OLFM1: variants seen among roughly 807,000 people sequenced by gnomAD.
OLFM1 encodes olfactomedin 1, also known as noelin.
Under a neutral mutation model 49.7 loss-of-function variants are expected in OLFM1, and 9 were observed. That is an observed-to-expected ratio of 0.18 (90% CI 0.11 to 0.32). The LOEUF is 0.32. OLFM1 is among the 10% of genes least tolerant of loss of function. The probability of loss-of-function intolerance (pLI) is 1.00; values close to 1 mark genes in which losing one functional copy is unlikely to be tolerated. For synonymous variants in OLFM1, 240 were observed against 271.8 expected (o/e 0.88, Z 1.15); for missense variants, 369 against 661.8 (o/e 0.56, Z 4.85).
upstream of OLFM1, among the ~76,000 whole-genome samples, chr9:135,083,430 G>C (rs1051235991): frequency 6.6e-6 from 1 of 152,248 alleles, no homozygotes; most frequent in Middle Eastern, 3.4e-3. Context: ...TCAGCTCTCT[G>C]GATGGACAAG....
At chr9:135,076,508 T>G (rs942165563) in intron 1 of OLFM1, 1 of 1,300,022 alleles carries the variant, frequency 7.7e-7, no homozygotes, top group African/African-American at 1.5e-5. Flanking sequence ...ATTCTCCATT[T>G]TAAAGATGCA....
In OLFM1 at chr9:135,106,682, G is replaced by A. The variant is rs1830948290; in HGVS notation, c.677-67G>A. On this transcript the variant is annotated intron_variant, in intron 4 of 5. Coordinates refer to ENST00000371793, the MANE Select transcript of OLFM1 (RefSeq NM_001282611.2). ...TGGCACGTGTGCTCTGGGCAGTCGA[G>A]GTCAGGGTCATCACCGCGGGCCGGG... 3 of 1,245,188 alleles carry A rather than the reference G, an allele frequency of 2.4e-6. No homozygotes were observed. The African/African-American group carries it at 4.5e-5, about 18-fold the overall frequency. The allele number at this position is 1,245,188 out of a possible 1,614,324, so 77.1% of individuals were successfully genotyped here. A position where few individuals can be genotyped will look rare whatever the true frequency, so the allele number is the denominator to read the frequency against.
At chr9:135,111,669 A>T (rs1048620163) in intron 5 of OLFM1, among the ~76,000 whole-genome samples, 1 of 151,988 alleles carries the variant, frequency 6.6e-6, no homozygotes, top group Non-Finnish European at 1.5e-5. Context: ...TCCACACTGG[A>T]GTCTGCGTCT....
In OLFM1 at chr9:135,120,653, T is replaced by C. The variant is rs1490159951; in HGVS notation, c.*475T>C. On this transcript the variant is annotated 3_prime_UTR_variant, in exon 6 of 6. Transcript: ENST00000371793. Reference sequence around the variant, plus strand: ...TTGCAGTGCCGTTTCTTGACTGTGTTGCTGTCTCTTAGATTAACCGTGCTG... The same window carrying C: ...TTGCAGTGCCGTTTCTTGACTGTGTCGCTGTCTCTTAGATTAACCGTGCTG... 1.6e-5 allele frequency: 3 copies of C among 182,390 alleles called. No individual in the cohort carries two copies. Among genetic ancestry groups the C allele is most frequent in the Non-Finnish European group, 3.4e-5 (3 of 87,146 alleles). 11.3% of individuals were successfully genotyped at this position (182,390 alleles called of 1,614,324 possible). A position where few individuals can be genotyped will look rare whatever the true frequency, so the allele number is the denominator to read the frequency against.
chr9:135,106,548 G>T, intron 4 of OLFM1: 1 of 581,628 alleles, frequency 1.7e-6, no homozygotes, highest in Non-Finnish European at 3.1e-6. Flanking sequence ...GCTCTGTTTT[G>T]GGGAGGAGGT....
Position 135,098,543 on chromosome 9 carries a change from C to A in OLFM1, c.676+38C>A. On this transcript the variant is annotated intron_variant, in intron 4 of 5. Coordinates refer to ENST00000371793, the MANE Select transcript of OLFM1 (RefSeq NM_001282611.2). This position sits in a 1 kb window ranked among gnomAD's most constrained non-coding sequence, Gnocchi z 5.6. ...CCCTGCGGGACGTGGCGCTGCACTGCCCACCTCCGGCACACGCACAGGCTT... is the reference window on the plus strand; with the variant it reads ...CCCTGCGGGACGTGGCGCTGCACTGACCACCTCCGGCACACGCACAGGCTT... 6.4e-7 allele frequency: 1 copy of A among 1,553,506 alleles called. No individual in the cohort carries two copies. The highest frequency in any genetic ancestry group is 8.9e-7 in the Non-Finnish European group (1 of 1,126,936).
upstream of OLFM1, chr9:135,087,611 G>C: frequency 2.8e-6 from 2 of 704,438 alleles, no homozygotes; most frequent in Admixed American, 4.4e-5. Context: ...CGTCGGTCCC[G>C]CCCGGCCGAG....
intron 1 of OLFM1, among the ~76,000 whole-genome samples, chr9:135,077,882 G>A (rs911249244): frequency 3.6e-4 from 55 of 152,246 alleles, no homozygotes; most frequent in Admixed American, 6.5e-4. Flanking sequence ...TCACGTCAAC[G>A]TTTCTGAGTC....
intron 5 of OLFM1, among the ~76,000 whole-genome samples, chr9:135,114,458 G>T (rs1199429293): frequency 6.6e-6 from 1 of 152,048 alleles, no homozygotes; most frequent in Non-Finnish European, 1.5e-5. Context: ...CCCAAATAAG[G>T]TCCCATTTGC....
intron 5 of OLFM1, among the ~76,000 whole-genome samples, chr9:135,112,664 G>A (rs1173210571): frequency 6.6e-6 from 1 of 152,252 alleles, no homozygotes; most frequent in African/African-American, 2.4e-5. Context: ...GGCCACTCTT[G>A]GGCGGGCGTC....
At chr9:135,100,968 A>C (rs1410526829) in intron 4 of OLFM1, among the ~76,000 whole-genome samples, 1 of 152,196 alleles carries the variant, frequency 6.6e-6, no homozygotes, top group African/African-American at 2.4e-5. Context: ...ACATAGATAG[A>C]GTTAGCAGCT....
Position 135,094,065 on chromosome 9 carries a change from G to A in OLFM1, c.301-1799G>A, listed in dbSNP as rs544359533. Among the ~76,000 whole-genome samples, 54 of 152,288 alleles carry A rather than the reference G, an allele frequency of 3.5e-4. No homozygotes were observed. The East Asian group carries it at 6.4e-3, about 18-fold the overall frequency. ...AGCATGAGCTCAGCAGCTTCTCCTC[G>A]GCACTTGTGGGCCTTCGCTCCTGGG... On this transcript the variant is annotated intron_variant, in intron 2 of 5. Coordinates refer to ENST00000371793, the MANE Select transcript of OLFM1 (RefSeq NM_001282611.2).
chr9:135,091,387 A>C (rs1830682875), intron 2 of OLFM1, among the ~76,000 whole-genome samples: 1 of 152,184 alleles, frequency 6.6e-6, no homozygotes, highest in Non-Finnish European at 1.5e-5. Flanking sequence ...GAACTTTCCC[A>C]CCCTGAGGGA....
At position 135,087,681 on chromosome 9, in the gene OLFM1, G is replaced by A; in HGVS notation, c.-309G>A. The A allele has an allele frequency of 4.5e-6, 2 of 446,678 alleles. No individual in the cohort carries two copies. Among genetic ancestry groups the A allele is most frequent in the Non-Finnish European group, 3.2e-6 (1 of 307,866 alleles). 27.7% of individuals were successfully genotyped at this position (446,678 alleles called of 1,614,324 possible). On this transcript the variant is annotated 5_prime_UTR_variant, in exon 1 of 6. Transcript: ENST00000371793. ...CGCGCAGCGCTCAGAGCCGGACGGC[G>A]CTTCCCGGTGGCGGCGGAGGAGCCC...
chr9:135,084,590 G>GTC (rs147316858), upstream of OLFM1, among the ~76,000 whole-genome samples: 45 of 146,908 alleles, frequency 3.1e-4, no homozygotes, highest in Non-Finnish European at 3.1e-4. The surrounding 1 kb of genome is among the most constrained non-coding windows in gnomAD (Gnocchi z 4.6). Flanking sequence ...CTCTGCCTTT[G>GTC]TCTCTCTCTC....
rs922003120 is a variant in OLFM1 at position 135,080,347 on chromosome 9, G to A, written c.96+4545G>A. ...AGGGGATGGAGTGCACGGGTAGGGG[G>A]AAGAGTTCAGGTGAAATTGGGGTCT... On this transcript the variant is annotated intron_variant, in intron 1 of 5. Coordinates refer to the OLFM1 transcript ENST00000252854. This position sits in a 1 kb window ranked among gnomAD's most constrained non-coding sequence, Gnocchi z 4.5. Among the ~76,000 whole-genome samples, 1 of 152,096 alleles carries A rather than the reference G, an allele frequency of 6.6e-6. No individual in the cohort carries two copies. The highest frequency in any genetic ancestry group is 1.5e-5 in the Non-Finnish European group (1 of 68,024).
chr9:135,087,622 C>A, upstream of OLFM1: 1 of 653,280 alleles, frequency 1.5e-6, no homozygotes, highest in Non-Finnish European at 2.2e-6. Flanking sequence ...CCCGGCCGAG[C>A]CCCGCCTCCC....
intron 5 of OLFM1, among the ~76,000 whole-genome samples, chr9:135,110,379 A>G (rs1463961544): frequency 6.6e-6 from 1 of 151,940 alleles, no homozygotes. Context: ...GGCCAGCGCT[A>G]CTCCCACCAC....
In OLFM1 at chr9:135,090,309, G is replaced by A; in HGVS notation, c.265G>A (p.Ala89Thr). 1 of 1,614,122 alleles carries A rather than the reference G, an allele frequency of 6.2e-7. No individual in the cohort carries two copies. Among genetic ancestry groups the A allele is most frequent in the Non-Finnish European group, 8.5e-7 (1 of 1,180,032 alleles). ...APQQTMCSRD[A>T]RTKQLRQLLE... is the part of the protein sequence containing the mutation. ...ACAGCAGACCATGTGTTCACGGGAT[G>A]CCCGCACAAAACAGCTGAGGCAGCT... is the stretch of plus-strand genomic sequence containing the variant. The change falls in exon 2 of 6, where the codon GCC becomes ACC. Residue 89 changes from alanine (A) to threonine (T), a missense_variant. Coordinates refer to ENST00000371793, the MANE Select transcript of OLFM1 (RefSeq NM_001282611.2).
Sources: allele counts gnomAD v4.1 joint callset (sites outside exome capture counted in the v4.1 genomes callset), GRCh38; gene constraint gnomAD v4.1.1; non-coding constraint Gnocchi (gnomAD v3.1); transcripts MANE v1.5; gene names NCBI Gene and HGNC (gene_info 2026-07-23, HGNC 2026-07-21).